The following CLIC2 variants were observed in gnomAD, a reference collection of about 807,000 sequenced individuals.
The protein encoded by CLIC2 is CLIC family member 2, also known as chloride intracellular channel protein 2.
Under a neutral mutation model 14.8 loss-of-function variants are expected in CLIC2, and 9 were observed. That is an observed-to-expected ratio of 0.61 (90% confidence interval 0.37 to 1.06). The LOEUF (loss-of-function observed/expected upper bound fraction) is 1.06. Ranked by LOEUF, CLIC2 falls within the 50% of genes least tolerant of loss-of-function variation. The pLI, the probability that CLIC2 is intolerant of heterozygous loss-of-function variation, is 0.01. For missense variants in CLIC2, 148 were observed against 181.4 expected (o/e 0.82, Z 1.06); for synonymous variants, 61 against 66.3 (o/e 0.92, Z 0.39).
At chrX:155,279,054 A>G (rs782491292) in intron 5 of CLIC2, 95 bp downstream of exon 5, 1,147 of 661,831 alleles carry the variant, frequency 1.7e-3, no homozygotes, top group Middle Eastern at 8.9e-3. Context: ...TGACAAAGCT[A>G]TAATATAATA....
chrX:155,292,882 G>A (rs1165804365), intron 3 of CLIC2: 5 of 1,015,755 alleles, frequency 4.9e-6, no homozygotes, highest in Non-Finnish European at 4.2e-6. Flanking sequence ...TTGCAGACAC[G>A]TTATCCAGGT....
intron 1 of CLIC2, among the ~76,000 whole-genome samples, chrX:155,328,424 A>C (rs1382789746): frequency 9.0e-6 from 1 of 111,563 alleles, no homozygotes; most frequent in Non-Finnish European, 1.9e-5. Flanking sequence ...AATGAAATAA[A>C]GTACATAGTA....
chrX:155,319,298 C>A lies in CLIC2; in HGVS notation c.57+15073G>T, dbSNP rs189500999. On this transcript the variant is annotated intron_variant, in intron 1 of 5. Transcript: ENST00000369449. ...GCCAAATAAGAACAGCTTTGGTCTG[C>A]AGCTCCCAGCGAGATCAACACAGAA... Among the ~76,000 whole-genome samples the A allele has an allele frequency of 4.0e-3, 443 of 110,747 alleles. 4 individuals are homozygous for A. The highest frequency in any genetic ancestry group is 4.3e-3 in the Non-Finnish European group (229 of 52,740).
intron 3 of CLIC2, among the ~76,000 whole-genome samples, chrX:155,287,829 T>C (rs1392797799): frequency 1.8e-5 from 2 of 112,260 alleles, no homozygotes; most frequent in African/African-American, 6.5e-5. Context: ...ATCTTTAGAT[T>C]GCTTTGGGCA....
Position 155,277,611 on chromosome X carries a change from T to C in CLIC2, c.*292A>G. ...ACTGCAGACATCTGTTTAGCTTATA[T>C]GTATGCATTCCAGGAATTCAAGCAA... On this transcript the variant is annotated 3_prime_UTR_variant, in exon 6 of 6. Coordinates refer to ENST00000369449, the MANE Select transcript of CLIC2 (RefSeq NM_001289.6). 1 of 276,420 alleles carries C rather than the reference T, an allele frequency of 3.6e-6. No individual in the cohort carries two copies. Among genetic ancestry groups the C allele is most frequent in the Non-Finnish European group, 6.4e-6 (1 of 156,128 alleles). 22.8% of individuals were successfully genotyped at this position (276,420 alleles called of 1,213,427 possible). A position where few individuals can be genotyped will look rare whatever the true frequency, so the allele number is the denominator to read the frequency against.
intron 3 of CLIC2, among the ~76,000 whole-genome samples, chrX:155,297,430 G>C (rs143804868): frequency 2.7e-3 from 302 of 110,447 alleles, no homozygotes; most frequent in African/African-American, 9.7e-3. Flanking sequence ...TTACAAAAAT[G>C]TATTGTATTT....
At chrX:155,305,369 C>T (rs948895264) in intron 1 of CLIC2, among the ~76,000 whole-genome samples, 1 of 112,505 alleles carries the variant, frequency 8.9e-6, no homozygotes, top group Non-Finnish European at 1.9e-5. Context: ...TTCTTTGACT[C>T]AGAAAGGGAA....
chrX:155,334,089 G>A (rs1323886186), intron 1 of CLIC2, among the ~76,000 whole-genome samples: 2 of 111,113 alleles, frequency 1.8e-5, no homozygotes, highest in Admixed American at 1.9e-4. Context: ...TTTTTCTAAG[G>A]TTATATAGGA....
chrX:155,288,182 T>A (rs1340663524), intron 3 of CLIC2, among the ~76,000 whole-genome samples: 1 of 111,449 alleles, frequency 9.0e-6, no homozygotes, highest in Non-Finnish European at 1.9e-5. Flanking sequence ...TTGAGAAAAA[T>A]TTTTTATTGT....
chrX:155,311,697 T>C (rs1354933346), intron 1 of CLIC2, among the ~76,000 whole-genome samples: 1 of 111,719 alleles, frequency 9.0e-6, no homozygotes, highest in African/African-American at 3.3e-5. Context: ...ATGCTGCTGA[T>C]AAAGACATAC....
chrX:155,325,867 T>A (rs1392217016), intron 1 of CLIC2, among the ~76,000 whole-genome samples: 1 of 97,915 alleles, frequency 1.0e-5, no homozygotes, highest in Non-Finnish European at 2.0e-5. Context: ...AATAATGGCA[T>A]TTGCAGCAAC....
chrX:155,304,955 G>A lies in CLIC2; in HGVS notation c.58-5810C>T, dbSNP rs374511905. On this transcript the variant is annotated intron_variant, in intron 1 of 5. Coordinates refer to ENST00000369449, the MANE Select transcript of CLIC2 (RefSeq NM_001289.6). ...TGCCCGTTCTCAGATCTCCAGCTGC[G>A]TGCTGGGAGAACCACTGCTCTCTTC... Among the ~76,000 whole-genome samples the A allele has an allele frequency of 2.5e-3, 265 of 106,829 alleles. 6 individuals are homozygous for A. In the East Asian group the frequency reaches 0.053, roughly 21 times the overall value. The allele number at this position is 106,829 out of a possible 115,157, so 92.8% of individuals were successfully genotyped here. A position where few individuals can be genotyped will look rare whatever the true frequency, so the allele number is the denominator to read the frequency against.
chrX:155,299,235 C>T (rs2075005983), intron 1 of CLIC2, 90 bp from the exon 2 acceptor site: 1 of 650,605 alleles, frequency 1.5e-6, no homozygotes, highest in Admixed American at 2.4e-5. Context: ...TTGCTAGAGA[C>T]AAACATGGAC....
At chrX:155,292,814 CAAAA>C (rs1248450045) in intron 3 of CLIC2, 1 of 678,180 alleles carries the variant, frequency 1.5e-6, no homozygotes. Context: ...AAAAAGCTGC[CAAAA>C]AAAGCAGCAA....
chrX:155,309,826 G>A (rs782551494), intron 1 of CLIC2, among the ~76,000 whole-genome samples: 1 of 111,479 alleles, frequency 9.0e-6, no homozygotes, highest in South Asian at 3.8e-4. Flanking sequence ...TTGGGTGGGG[G>A]CACAGCCAAA....
At chrX:155,321,826 C>G (rs1557321695) in intron 1 of CLIC2, among the ~76,000 whole-genome samples, 1 of 110,186 alleles carries the variant, frequency 9.1e-6, no homozygotes, top group African/African-American at 3.3e-5. Context: ...ATCTCATGTG[C>G]AAAGACACAC....
intron 1 of CLIC2, among the ~76,000 whole-genome samples, chrX:155,309,937 G>C (rs781867624): frequency 2.1e-3 from 234 of 111,916 alleles, no homozygotes; most frequent in Middle Eastern, 4.6e-3. Flanking sequence ...ACTCATTTTA[G>C]CATTTACTCA....
rs144532348 is a variant in CLIC2, at chrX:155,280,026, C to G, written c.336G>C (p.Val112=). The G allele has an allele frequency of 1.7e-6, 2 of 1,207,674 alleles. No homozygotes were observed. The highest frequency in any genetic ancestry group is 3.5e-5 in the African/African-American group (2 of 57,085). ...AAAACTTGGCAAAGAGGTTACAGCC[C>G]ACATCAAAAGACTCCTTGTACTTGG... ...LSPKYKESFD[V]GCNLFAKFSA... The change falls in exon 4 of 6, where the codon GTG becomes GTC. Residue 112 remains valine, a synonymous_variant. Coordinates refer to ENST00000369449, the MANE Select transcript of CLIC2 (RefSeq NM_001289.6).
rs1326362477 is a variant in CLIC2 at position 155,329,494 on chromosome X, C to T, written c.57+4877G>A. Among the ~76,000 whole-genome samples, 3 of 106,203 alleles carry T rather than the reference C, an allele frequency of 2.8e-5. No individual in the cohort carries two copies. In the East Asian group the frequency reaches 9.1e-4, roughly 32 times the overall value. The allele number at this position is 106,203 out of a possible 115,157, so 92.2% of individuals were successfully genotyped here. ...GCAAAAACCGCAATTACTTTTGCAC[C>T]AACCTAATAAAATGGCTTTTATCCA... On this transcript the variant is annotated intron_variant, in intron 1 of 5. Transcript: ENST00000369449.
Sources: allele counts gnomAD v4.1 joint callset (sites outside exome capture counted in the v4.1 genomes callset), GRCh38; gene constraint gnomAD v4.1.1; transcripts MANE v1.5; gene names NCBI Gene and HGNC (gene_info 2026-07-23, HGNC 2026-07-21).